Variants in DNM3 observed in about 807,000 individuals in gnomAD.
DNM3 encodes dynamin 3, also known as dynamin-3.
A neutral mutation model predicts 101.6 loss-of-function variants in DNM3; 47 were observed. The ratio of observed to expected loss-of-function variants is 0.46; its 90% CI spans 0.37 to 0.59. The LOEUF (loss-of-function observed/expected upper bound fraction) is 0.59. Among genes scored for constraint, DNM3 ranks in the 20% least tolerant of loss-of-function variants. DNM3 has a pLI of 0.00. For synonymous variants in DNM3, 385 were observed against 387.9 expected (o/e 0.99, Z 0.09); for missense variants, 849 against 1,085.7 (o/e 0.78, Z 3.06).
chr1:172,171,702 G>A (rs954712444), intron 14 of DNM3, among the ~76,000 whole-genome samples: 1 of 151,660 alleles, frequency 6.6e-6, no homozygotes, highest in African/African-American at 2.4e-5. Context: ...ATCAACCTTA[G>A]ACAGAAGGGT....
intron 1 of DNM3, among the ~76,000 whole-genome samples, chr1:171,893,255 T>C (rs1479475853): frequency 1.3e-5 from 2 of 152,200 alleles, no homozygotes; most frequent in Non-Finnish European, 2.9e-5. Flanking sequence ...GTTTACTTTT[T>C]GTGCTGTAAA....
chr1:171,892,443 T>C (rs2037372685), intron 1 of DNM3, among the ~76,000 whole-genome samples: 1 of 152,328 alleles, frequency 6.6e-6, no homozygotes, highest in Non-Finnish European at 1.5e-5. Context: ...TATACACATA[T>C]CTACAAATAT....
intron 13 of DNM3, among the ~76,000 whole-genome samples, chr1:172,106,844 A>ATTTTTTTTTTTTTTT (rs1289662689): frequency 1.4e-4 from 7 of 51,064 alleles, no homozygotes; most frequent in African/African-American, 4.8e-4. Flanking sequence ...AGGTAACATT[A>ATTTTTTTTTTTTTTT]TTCTTTTTTT....
chr1:172,243,658 A>G (rs2061831639), intron 14 of DNM3, among the ~76,000 whole-genome samples: 2 of 152,200 alleles, frequency 1.3e-5, no homozygotes, highest in African/African-American at 4.8e-5. Context: ...TGAGACTACT[A>G]GAACAGTCCA....
At chr1:172,030,515 C>T (rs556983838) in intron 4 of DNM3, among the ~76,000 whole-genome samples, 5 of 152,070 alleles carry the variant, frequency 3.3e-5, no homozygotes, top group African/African-American at 9.6e-5. Flanking sequence ...ACTAAAACAC[C>T]AAAGCAATGG....
At chr1:172,100,624 G>A (rs891955468) in intron 13 of DNM3, among the ~76,000 whole-genome samples, 1 of 152,044 alleles carries the variant, frequency 6.6e-6, no homozygotes, top group African/African-American at 2.4e-5. Flanking sequence ...TCCTGGTACC[G>A]ATATCTCTAT....
At chr1:172,062,558 T>C (rs1319689747) in intron 10 of DNM3, among the ~76,000 whole-genome samples, 1 of 152,192 alleles carries the variant, frequency 6.6e-6, no homozygotes, top group Non-Finnish European at 1.5e-5. Context: ...ATTTGAGGTT[T>C]CTGGATTAAG....
At chr1:171,993,174 G>A (rs772773960) in intron 4 of DNM3, among the ~76,000 whole-genome samples, 8 of 152,182 alleles carry the variant, frequency 5.3e-5, no homozygotes, top group Middle Eastern at 3.4e-3. Context: ...TAACTATGTA[G>A]TTAACTTTAC....
At chr1:171,931,283 T>C (rs1435759502) in intron 2 of DNM3, among the ~76,000 whole-genome samples, 1 of 152,192 alleles carries the variant, frequency 6.6e-6, no homozygotes, top group East Asian at 1.9e-4. Flanking sequence ...CCAGCTGATA[T>C]CTGGAGAAAT....
At chr1:172,075,317 T>C (rs896731392) in intron 11 of DNM3, among the ~76,000 whole-genome samples, 3 of 152,354 alleles carry the variant, frequency 2.0e-5, no homozygotes, top group Non-Finnish European at 1.5e-5. Context: ...TTTAGTTTAA[T>C]TAGATCCCAT....
intron 14 of DNM3, among the ~76,000 whole-genome samples, chr1:172,180,337 T>C (rs556029959): frequency 3.3e-5 from 5 of 152,100 alleles, no homozygotes; most frequent in Non-Finnish European, 7.4e-5. Context: ...TTTTACCCTG[T>C]ATCGTAGATA....
chr1:172,031,204 T>C (rs368657742), intron 4 of DNM3, among the ~76,000 whole-genome samples: 6 of 152,272 alleles, frequency 3.9e-5, no homozygotes, highest in African/African-American at 1.4e-4. Context: ...ATACACACCA[T>C]GGAATACTAT....
At chr1:172,061,939 C>T (rs1449689216) in intron 10 of DNM3, among the ~76,000 whole-genome samples, 1 of 152,140 alleles carries the variant, frequency 6.6e-6, no homozygotes, top group Non-Finnish European at 1.5e-5. Flanking sequence ...CTGTGCTTTG[C>T]ATGTAATACA....
intron 15 of DNM3, among the ~76,000 whole-genome samples, chr1:172,304,260 TA>T (rs1198804740): frequency 1.5e-5 from 2 of 136,936 alleles, no homozygotes; most frequent in Non-Finnish European, 3.0e-5. Flanking sequence ...AAACAGACTT[TA>T]AACCAACAAA....
chr1:172,283,444 C>T (rs1386550732), intron 15 of DNM3, among the ~76,000 whole-genome samples: 1 of 151,998 alleles, frequency 6.6e-6, no homozygotes, highest in African/African-American at 2.4e-5. Context: ...TTCAGTCATT[C>T]CTCAAGTATA....
At chr1:172,297,764 TTTATTAGAACTTCATA>T (rs2064236931) in intron 15 of DNM3, among the ~76,000 whole-genome samples, 1 of 152,188 alleles carries the variant, frequency 6.6e-6, no homozygotes. Flanking sequence ...TTTATACTTT[TTTATTAGAACTTCATA>T]TGCCTCAGTT....
chr1:171,851,951 T>C (rs2033028752), intron 1 of DNM3, among the ~76,000 whole-genome samples: 1 of 152,268 alleles, frequency 6.6e-6, no homozygotes, highest in Admixed American at 6.5e-5. Flanking sequence ...CTGATCTAGA[T>C]TAAATCTAAT....
chr1:172,391,946 T>G (rs1250718154), intron 20 of DNM3, among the ~76,000 whole-genome samples: 1 of 152,246 alleles, frequency 6.6e-6, no homozygotes, highest in Non-Finnish European at 1.5e-5. Flanking sequence ...CAAGTTATGA[T>G]CTTGACTTTT....
chr1:171,987,880 A>G (rs2045374071), intron 3 of DNM3, 75 bp downstream of exon 3: 4 of 1,367,302 alleles, frequency 2.9e-6, no homozygotes, highest in Non-Finnish European at 3.9e-6. Flanking sequence ...CATCATTTGT[A>G]CAGAAGATAC....
Sources: gnomAD v4.1 joint callset for allele counts (sites outside exome capture counted in the v4.1 genomes callset) on GRCh38, gnomAD v4.1.1 for gene constraint, MANE v1.5 for transcripts, NCBI Gene and HGNC (gene_info 2026-07-23, HGNC 2026-07-21) for gene names.